HERC1: variants seen among roughly 807,000 people sequenced by gnomAD.
HERC1 encodes probable E3 ubiquitin-protein ligase HERC1.
Under a neutral mutation model 554.3 loss-of-function variants are expected in HERC1, and 160 were observed. That is an observed-to-expected ratio of 0.29 (90% CI 0.25 to 0.33). The LOEUF (loss-of-function observed/expected upper bound fraction) is 0.33. Ranked by LOEUF, HERC1 falls within the 10% of genes least tolerant of loss-of-function variation. The pLI, the probability that HERC1 is intolerant of heterozygous loss-of-function variation, is 1.00. For synonymous variants in HERC1, 2,175 were observed against 2,131.7 expected, an observed-to-expected ratio of 1.02 and a Z score of -0.56; for missense variants, 4,919 against 5,918.5, an observed-to-expected ratio of 0.83 and a Z score of 5.54.
At chr15:63,653,872 T>A (rs1391277561) in intron 51 of HERC1, among the ~76,000 whole-genome samples, 1 of 152,216 alleles carries the variant, frequency 6.6e-6, no homozygotes, top group Non-Finnish European at 1.5e-5. Context: ...GTGAAGCTAT[T>A]CCTTTGGTTT....
Position 63,758,516 on chromosome 15 carries a change from T to C in HERC1, c.1027-147A>G, listed in dbSNP as rs1280481354. 5 of 567,050 alleles carry C rather than the reference T, an allele frequency of 8.8e-6. No individual in the cohort carries two copies. The highest frequency in any genetic ancestry group is 1.5e-5 in the Non-Finnish European group (5 of 333,970). The allele number at this position is 567,050 out of a possible 1,614,324, so 35.1% of individuals were successfully genotyped here. Reference sequence around the variant, plus strand: ...CTATTAAATAAAGATAACTAGACTATTTACTCATATGGAATAAACCACTAA... The same window carrying C: ...CTATTAAATAAAGATAACTAGACTACTTACTCATATGGAATAAACCACTAA... On this transcript the variant is annotated intron_variant, in intron 3 of 77. Transcript: ENST00000443617. This position sits in a 1 kb window ranked among gnomAD's most constrained non-coding sequence, Gnocchi z 4.0.
At position 63,686,548 on chromosome 15, in the gene HERC1, A is replaced by C. The variant is rs2071772596; in HGVS notation, c.6049-13T>G. 6.2e-7 allele frequency: 1 copy of C among 1,608,508 alleles called. No individual in the cohort carries two copies. The highest frequency in any genetic ancestry group is 8.5e-7 in the Non-Finnish European group (1 of 1,177,876). ...ACTCGCCCTGCTTCTACCAGAAAAG[A>C]AGCTGGGTCAGCATTTTGGAATAAT... On this transcript the variant is annotated splice_polypyrimidine_tract_variant and intron_variant, in intron 33 of 77. Coordinates refer to ENST00000443617, the MANE Select transcript of HERC1 (RefSeq NM_003922.4).
chr15:63,769,240 A>G (rs1328185793), intron 2 of HERC1, among the ~76,000 whole-genome samples: 1 of 152,102 alleles, frequency 6.6e-6, no homozygotes, highest in Admixed American at 6.5e-5. Context: ...CAACATGGCA[A>G]AACCCCGTCT....
At chr15:63,752,921 A>G (rs1260072391) in intron 8 of HERC1, 37 bp downstream of exon 8, 1 of 1,582,364 alleles carries the variant, frequency 6.3e-7, no homozygotes, top group Non-Finnish European at 8.6e-7. Context: ...ATCCTCTGAA[A>G]TACTCTAAGT....
intron 70 of HERC1, among the ~76,000 whole-genome samples, chr15:63,628,421 A>C (rs1221596803): frequency 6.6e-6 from 1 of 152,142 alleles, no homozygotes; most frequent in Admixed American, 6.5e-5. Context: ...TAAAATTATA[A>C]ATTTTTGCTT....
chr15:63,709,774 A>C (rs760705965), intron 24 of HERC1, among the ~76,000 whole-genome samples: 7 of 152,160 alleles, frequency 4.6e-5, no homozygotes, highest in Non-Finnish European at 1.5e-5. Context: ...AATAAAAACC[A>C]AAAAATCCTA....
chr15:63,731,752 C>T (rs2074304172), intron 14 of HERC1, among the ~76,000 whole-genome samples: 1 of 152,098 alleles, frequency 6.6e-6, no homozygotes, highest in Admixed American at 6.5e-5. Flanking sequence ...GATACACAAA[C>T]AATTCAAAGT....
At chr15:63,697,289 G>A (rs923416492) in intron 26 of HERC1, among the ~76,000 whole-genome samples, 1 of 151,786 alleles carries the variant, frequency 6.6e-6, no homozygotes, top group African/African-American at 2.4e-5. Flanking sequence ...ACGACACTTC[G>A]GAAGAGCTGT....
At chr15:63,632,904 A>T (rs1566956623) in intron 67 of HERC1, 93 bp from the exon 68 acceptor site, 3 of 790,810 alleles carry the variant, frequency 3.8e-6, no homozygotes, top group Non-Finnish European at 6.1e-6. Context: ...CTACCTTCCA[A>T]CAAAAATACT....
intron 1 of HERC1, among the ~76,000 whole-genome samples, chr15:63,818,397 C>A (rs942367966): frequency 9.9e-5 from 15 of 151,976 alleles, no homozygotes; most frequent in Non-Finnish European, 1.5e-4. Flanking sequence ...AATAAGGAGC[C>A]AAACCGACAG....
intron 55 of HERC1, among the ~76,000 whole-genome samples, chr15:63,646,983 G>A (rs1258825514): frequency 2.6e-5 from 4 of 151,974 alleles, no homozygotes; most frequent in South Asian, 4.1e-4. Flanking sequence ...AGCCATGCAC[G>A]TTGGCTCACG....
Position 63,666,113 on chromosome 15 carries a change from G to A in HERC1, c.8361C>T (p.Val2787=), listed in dbSNP as rs1188084759. Residue 2787 remains valine (V), a synonymous_variant, in exon 42 of 78, where the codon GTC becomes GTT. Transcript: ENST00000443617. ...GGTGCTCTATCATCCACATGGCAAGGACAGTGATATTCTGGGCATCAGCCT... is the reference window on the plus strand; with the variant it reads ...GGTGCTCTATCATCCACATGGCAAGAACAGTGATATTCTGGGCATCAGCCT... ...RGEADAQNIT[V]LAMWMIEHPG... The A allele has an allele frequency of 8.7e-6, 14 of 1,613,780 alleles. No homozygotes were observed. Among genetic ancestry groups the A allele is most frequent in the Non-Finnish European group, 1.1e-5 (13 of 1,179,836 alleles).
chr15:63,760,459 A>G (rs1159735438), intron 3 of HERC1, among the ~76,000 whole-genome samples: 1 of 147,936 alleles, frequency 6.8e-6, no homozygotes, highest in African/African-American at 2.5e-5. Context: ...AAAAAAAGAC[A>G]CAAAGGAAAA....
intron 26 of HERC1, 100 bp from the exon 27 acceptor site, chr15:63,696,439 C>T: frequency 1.3e-6 from 1 of 742,148 alleles, no homozygotes; most frequent in Non-Finnish European, 2.3e-6. Context: ...AAAATTCTGA[C>T]ATTTCATATG....
intron 1 of HERC1, among the ~76,000 whole-genome samples, chr15:63,811,299 G>T (rs972384302): frequency 2.0e-5 from 3 of 152,166 alleles, no homozygotes; most frequent in Admixed American, 6.5e-5. Flanking sequence ...GGACAGGGAG[G>T]ATCATGATGA....
intron 39 of HERC1, among the ~76,000 whole-genome samples, chr15:63,672,285 A>C (rs1351230272): frequency 2.0e-5 from 3 of 152,242 alleles, no homozygotes; most frequent in Non-Finnish European, 4.4e-5. Flanking sequence ...ACCTGGGATC[A>C]CCACTAACTG....
chr15:63,617,645 T>G (rs2067882112), intron 74 of HERC1, among the ~76,000 whole-genome samples: 1 of 152,198 alleles, frequency 6.6e-6, no homozygotes, highest in South Asian at 2.1e-4. Flanking sequence ...AGTGTTCCTA[T>G]TTCTCCACAT....
At chr15:63,699,043 C>A (rs772018699) in intron 25 of HERC1, 47 bp from the exon 26 acceptor site, 10 of 1,510,800 alleles carry the variant, frequency 6.6e-6, no homozygotes, top group Non-Finnish European at 9.0e-6. Flanking sequence ...TCAAGTAGAG[C>A]ATACATTCTG....
chr15:63,638,985 C>G (rs1168635292), intron 61 of HERC1, among the ~76,000 whole-genome samples: 6 of 152,216 alleles, frequency 3.9e-5, no homozygotes, highest in Non-Finnish European at 8.8e-5. Flanking sequence ...TTCACTATCA[C>G]TATCACTATG....
Sources: allele counts gnomAD v4.1 joint callset (sites outside exome capture counted in the v4.1 genomes callset), GRCh38; gene constraint gnomAD v4.1.1; non-coding constraint Gnocchi (gnomAD v3.1); transcripts MANE v1.5; gene names NCBI Gene and HGNC (gene_info 2026-07-23, HGNC 2026-07-21).